CD84: variants seen among roughly 807,000 people sequenced by gnomAD.
CD84 encodes the protein SLAM family member 5.
In CD84, 22 loss-of-function variants were observed where a neutral mutation model predicts 33.8. The ratio of observed to expected loss-of-function variants is 0.65; its 90% CI spans 0.46 to 0.93. The LOEUF (loss-of-function observed/expected upper bound fraction) is 0.93, where lower values mean the gene tolerates loss of function less well. CD84 is among the 40% of genes least tolerant of loss of function. CD84 has a pLI of 0.00. For synonymous variants in CD84, 154 were observed against 145.2 expected, an observed-to-expected ratio of 1.06 and a Z score of -0.44; for missense variants, 400 against 397.6, an observed-to-expected ratio of 1.01 and a Z score of -0.05.
chr1:160,560,394 C>T (rs987316187), intron 2 of CD84, among the ~76,000 whole-genome samples: 1 of 152,118 alleles, frequency 6.6e-6, no homozygotes, highest in African/African-American at 2.4e-5. Flanking sequence ...TCCTGAATGA[C>T]TCTTGGGTAA....
chr1:160,557,021 A>T (rs1656653322), intron 2 of CD84, among the ~76,000 whole-genome samples: 1 of 152,010 alleles, frequency 6.6e-6, no homozygotes, highest in African/African-American at 2.4e-5. Flanking sequence ...TCATAATGAG[A>T]TTTTTTTTAA....
At chr1:160,553,043 T>G (rs368607937) in intron 4 of CD84, 3 of 560,898 alleles carry the variant, frequency 5.3e-6, no homozygotes, top group East Asian at 3.0e-5. Context: ...ACCCTGGAGA[T>G]CCTCTAGTCC....
At chr1:160,563,817 CTGGTATGAATT>C (rs1657148083) in intron 2 of CD84, among the ~76,000 whole-genome samples, 1 of 152,062 alleles carries the variant, frequency 6.6e-6, no homozygotes, top group Non-Finnish European at 1.5e-5. Context: ...ATTTCAAGAT[CTGGTATGAATT>C]TTACACTTAC....
At chr1:160,559,776 A>T (rs898901186) in intron 2 of CD84, among the ~76,000 whole-genome samples, 4 of 152,180 alleles carry the variant, frequency 2.6e-5, no homozygotes, top group South Asian at 2.1e-4. Context: ...AAATAAAGGG[A>T]TAGGGAAAAA....
chr1:160,575,525 A>AC (rs1571391696), intron 1 of CD84, among the ~76,000 whole-genome samples: 3 of 151,118 alleles, frequency 2.0e-5, no homozygotes, highest in South Asian at 2.1e-4. Flanking sequence ...ACACACACAC[A>AC]AAATCTCAAA....
intron 1 of CD84, among the ~76,000 whole-genome samples, chr1:160,569,852 G>A (rs1657580424): frequency 6.6e-6 from 1 of 152,182 alleles, no homozygotes; most frequent in Non-Finnish European, 1.5e-5. Context: ...TCAGAGTGGG[G>A]AGAGGTACAG....
intron 6 of CD84, 129 bp from the exon 7 acceptor site, chr1:160,548,450 A>T: frequency 1.1e-6 from 1 of 890,086 alleles, no homozygotes; most frequent in Admixed American, 2.1e-5. Flanking sequence ...CATGCTGGGG[A>T]AATCTGGGGT....
chr1:160,558,558 CA>C (rs1656755357), intron 2 of CD84, among the ~76,000 whole-genome samples: 1 of 152,110 alleles, frequency 6.6e-6, no homozygotes, highest in South Asian at 2.1e-4. Flanking sequence ...GCTGAAAACT[CA>C]AAAAGCCAGG....
At position 160,571,984 on chromosome 1, in the gene CD84, T is replaced by TTTAAGATTTC. The variant is rs768805379; in HGVS notation, c.47-6240_47-6239insGAAATCTTAA. On this transcript the variant is annotated intron_variant, in intron 1 of 6. Transcript: ENST00000368054. ...TGTAGATTTAAGGAGGGTCACACCC[T>TTTAAGATTTC]CACCTGAAGTGGAAAGGGGAAAGGA... Among the ~76,000 whole-genome samples the TTTAAGATTTC allele has an allele frequency of 3.6e-3, 546 of 152,270 alleles. 1 individual carries two copies. The highest frequency in any genetic ancestry group is 6.3e-3 in the Non-Finnish European group (430 of 68,022).
At chr1:160,549,815 G>T in intron 6 of CD84, 102 bp downstream of exon 6, 1 of 868,864 alleles carries the variant, frequency 1.2e-6, no homozygotes, top group South Asian at 1.3e-5. Context: ...GAACTACAAG[G>T]AGTCCCAGGG....
chr1:160,555,404 T>C (rs938672041), intron 2 of CD84, among the ~76,000 whole-genome samples: 6 of 152,218 alleles, frequency 3.9e-5, no homozygotes, highest in African/African-American at 1.4e-4. Flanking sequence ...TAAAATTTTT[T>C]TTCATTCTGT....
intron 2 of CD84, among the ~76,000 whole-genome samples, chr1:160,559,496 A>G (rs1656813084): frequency 6.6e-6 from 1 of 152,214 alleles, no homozygotes; most frequent in African/African-American, 2.4e-5. Context: ...AAATAAGGAA[A>G]GGGAAAACAG....
At chr1:160,551,401 G>GT (rs1656212889) in intron 4 of CD84, 5 of 239,772 alleles carry the variant, frequency 2.1e-5, no homozygotes, top group South Asian at 1.7e-4. Flanking sequence ...CACGGTCTTA[G>GT]TTTTTTAACT....
Position 160,553,913 on chromosome 1 carries a change from C to T in CD84, c.622G>A (p.Ala208Thr). The T allele has an allele frequency of 2.5e-6, 4 of 1,614,188 alleles. No individual in the cohort carries two copies. Among genetic ancestry groups the T allele is most frequent in the Non-Finnish European group, 3.4e-6 (4 of 1,180,032 alleles). ...PVSNNSDSIS[A>T]RQLCADIAMG... ...TGGTTACCTGCACAGAGCTGCCGGGCAGAGATGGAGTCAGAATTGTTGCTG... is the reference window on the plus strand; with the variant it reads ...TGGTTACCTGCACAGAGCTGCCGGGTAGAGATGGAGTCAGAATTGTTGCTG... Residue 208 changes from alanine to threonine, a missense_variant, in exon 3 of 7, where the codon GCC (alanine) becomes ACC (threonine). Coordinates refer to ENST00000368054, the MANE Select transcript of CD84 (RefSeq NM_003874.4).
chr1:160,568,299 G>A (rs1480918380), intron 1 of CD84, among the ~76,000 whole-genome samples: 3 of 152,106 alleles, frequency 2.0e-5, no homozygotes, highest in African/African-American at 4.8e-5. Context: ...ATCTCCTGTA[G>A]CAAGTCATTC....
At chr1:160,553,143 A>G in intron 4 of CD84, 1 of 667,888 alleles carries the variant, frequency 1.5e-6, no homozygotes, top group Non-Finnish European at 2.7e-6. Flanking sequence ...CTAAGCTCGA[A>G]CCCATGTTCT....
Position 160,547,117 on chromosome 1 carries a change from C to G in CD84, c.*1139G>C. Reference sequence around the variant, plus strand: ...GAGAGTTAATGCCTGTGTAAGCTGGCTGGTGATCTGTTTGTGGGGCATGCC... The same window carrying G: ...GAGAGTTAATGCCTGTGTAAGCTGGGTGGTGATCTGTTTGTGGGGCATGCC... On this transcript the variant is annotated 3_prime_UTR_variant, in exon 7 of 7. Coordinates refer to ENST00000368054, the MANE Select transcript of CD84 (RefSeq NM_003874.4). 1 of 398,924 alleles carries G rather than the reference C, an allele frequency of 2.5e-6. No homozygotes were observed. Among genetic ancestry groups the G allele is most frequent in the Non-Finnish European group, 4.4e-6 (1 of 226,080 alleles). 24.7% of individuals were successfully genotyped at this position (398,924 alleles called of 1,614,324 possible).
intron 1 of CD84, among the ~76,000 whole-genome samples, chr1:160,573,456 C>T (rs1387180036): frequency 1.3e-5 from 2 of 152,132 alleles, no homozygotes; most frequent in African/African-American, 2.4e-5. Flanking sequence ...CCTGATCTTC[C>T]CCTACTTCCC....
intron 2 of CD84, among the ~76,000 whole-genome samples, chr1:160,557,393 C>G (rs1656679374): frequency 1.3e-5 from 2 of 152,150 alleles, no homozygotes; most frequent in Admixed American, 6.5e-5. Context: ...CCACTATGTA[C>G]CTGATGATGT....
Sources: allele counts gnomAD v4.1 joint callset (sites outside exome capture counted in the v4.1 genomes callset), GRCh38; gene constraint gnomAD v4.1.1; transcripts MANE v1.5; gene names NCBI Gene and HGNC (gene_info 2026-07-23, HGNC 2026-07-21).